ANK1: variants seen among roughly 807,000 people sequenced by gnomAD.
ANK1 encodes the protein ankyrin-1.
ANK1 carries 51 observed loss-of-function variants against 210.4 expected under a neutral mutation model. The observed-to-expected ratio is 0.24, with a 90% CI of 0.19 to 0.31. The LOEUF is 0.31. Among genes scored for constraint, ANK1 ranks in the 10% least tolerant of loss-of-function variants. The probability of loss-of-function intolerance (pLI) is 1.00; values close to 1 mark genes in which losing one functional copy is unlikely to be tolerated. For missense variants in ANK1, 2,051 were observed against 2,504.4 expected (o/e 0.82, Z 3.86); for synonymous variants, 967 against 1,025.9 (o/e 0.94, Z 1.10).
At chr8:41,684,343 C>A in intron 37 of ANK1, 1 of 876,002 alleles carries the variant, frequency 1.1e-6, no homozygotes, top group South Asian at 1.5e-5. Flanking sequence ...CGATGCCCAC[C>A]TGCACAGGAG....
chr8:41,738,945 G>T (rs1357369312), intron 2 of ANK1, among the ~76,000 whole-genome samples: 1 of 152,188 alleles, frequency 6.6e-6, no homozygotes, highest in South Asian at 2.1e-4. Context: ...TAATATAAGA[G>T]TAAATGATTT....
At chr8:41,869,186 G>C (rs371947875) in intron 1 of ANK1, among the ~76,000 whole-genome samples, 1 of 149,604 alleles carries the variant, frequency 6.7e-6, no homozygotes, top group African/African-American at 2.5e-5. Context: ...CTAAAACTGC[G>C]TGGTTGGACC....
intron 1 of ANK1, chr8:41,829,802 G>T (rs1362709238): frequency 6.6e-6 from 1 of 152,046 alleles, no homozygotes; most frequent in African/African-American, 2.4e-5. Context: ...CGGGCGTGGT[G>T]GCGGGCGCCT....
chr8:41,684,621 C>A lies in ANK1; in HGVS notation c.4460G>T (p.Gly1487Val), dbSNP rs1014424312. The change falls in exon 37 of 43, where the codon GGC (glycine) becomes GTC (valine). Residue 1487 changes from glycine to valine, a missense_variant. Coordinates refer to ENST00000289734, the MANE Select transcript of ANK1 (RefSeq NM_000037.4). ...TGGCTTCAAGTTGCGGCTCTGTCGG[C>A]CGGAACCCTCCAGCATGTTCACGAT... Reference protein sequence around the residue: ...GEIVNMLEGSGRQSRNLKPDR... With the variant: ...GEIVNMLEGSVRQSRNLKPDR... 1 of 1,613,850 alleles carries A rather than the reference C, an allele frequency of 6.2e-7. No individual in the cohort carries two copies. The highest frequency in any genetic ancestry group is 2.2e-5 in the East Asian group (1 of 44,888).
At chr8:41,743,267 G>A (rs1221796372) in intron 2 of ANK1, among the ~76,000 whole-genome samples, 2 of 152,168 alleles carry the variant, frequency 1.3e-5, no homozygotes, top group Non-Finnish European at 2.9e-5. Flanking sequence ...AAAGAGCAGG[G>A]AAGAAAGCAA....
chr8:41,887,335 A>C (rs1312235629), intron 1 of ANK1, among the ~76,000 whole-genome samples: 1 of 141,204 alleles, frequency 7.1e-6, no homozygotes, highest in African/African-American at 2.8e-5. Context: ...TGCAGTCTTG[A>C]ACTCCCCTGG....
intron 30 of ANK1, 111 bp from the exon 31 acceptor site, chr8:41,692,987 G>A: frequency 6.6e-7 from 1 of 1,511,954 alleles, no homozygotes; most frequent in Non-Finnish European, 9.2e-7. Flanking sequence ...CCACACCTGT[G>A]GTCACGGAGG....
At chr8:41,832,218 T>C (rs1563867296) in intron 1 of ANK1, among the ~76,000 whole-genome samples, 1 of 152,164 alleles carries the variant, frequency 6.6e-6, no homozygotes, top group Non-Finnish European at 1.5e-5. Context: ...GCCCAGATCC[T>C]GCAAGACATT....
intron 37 of ANK1, among the ~76,000 whole-genome samples, chr8:41,682,816 G>A (rs1373711681): frequency 1.3e-5 from 2 of 152,224 alleles, no homozygotes; most frequent in Non-Finnish European, 2.9e-5. Context: ...CCAAAAGTAT[G>A]CGCTGGGTGT....
rs547547824 is a variant in ANK1 at position 41,660,412 on chromosome 8, C to T, written c.*36+1018G>A. The stretch of plus-strand genomic sequence containing the variant: ...GTGCTGCACTGGGGCCACCATGCCC[C>T]CTCACCTCCTGCTGACTCCCACCCC... On this transcript the variant is annotated intron_variant, in intron 42 of 42. Transcript: ENST00000289734. The T allele has an allele frequency of 1.1e-3, 537 of 469,916 alleles. 4 individuals are homozygous for T. Among genetic ancestry groups the T allele is most frequent in the South Asian group, 4.6e-3 (294 of 64,514 alleles). 29.1% of individuals were successfully genotyped at this position (469,916 alleles called of 1,614,324 possible).
At position 41,665,100 on chromosome 8, in the gene ANK1, C is replaced by A. The variant is rs1201436678; in HGVS notation, c.5395-1358G>T. ...CGGGGGGCCTGCCTCTCATTCTCCA[C>A]TGGGACTCCTGAGTCCCCCAGGGAC... On this transcript the variant is annotated intron_variant, in intron 39 of 42. Transcript: ENST00000289734. 4.4e-6 allele frequency: 7 copies of A among 1,576,356 alleles called. No homozygotes were observed. In the African/African-American group the frequency reaches 6.7e-5, roughly 15 times the overall value.
chr8:41,692,514 G>T (rs1273046985), intron 31 of ANK1, 134 bp downstream of exon 31: 2 of 847,826 alleles, frequency 2.4e-6, no homozygotes, highest in Non-Finnish European at 3.8e-6. Context: ...TCTCAAGAGG[G>T]GTCTCAAAGA....
rs192700245 is a variant in ANK1 at position 41,842,479 on chromosome 8, C to T, written c.126+53876G>A. ...CTGCCCTCCAGCCCAGGCAACAGAGCGAGACTCTATCTCAAAAAAAAAAAA... is the reference window on the plus strand; with the variant it reads ...CTGCCCTCCAGCCCAGGCAACAGAGTGAGACTCTATCTCAAAAAAAAAAAA... On this transcript the variant is annotated intron_variant, in intron 1 of 42. Transcript: ENST00000265709. 4.5e-3 allele frequency among the ~76,000 whole-genome samples: 674 copies of T among 151,188 alleles called. 3 individuals are homozygous for T. The highest frequency in any genetic ancestry group is 0.027 in the East Asian group (141 of 5,140).
At chr8:41,865,541 T>C (rs1814245127) in intron 1 of ANK1, among the ~76,000 whole-genome samples, 1 of 152,142 alleles carries the variant, frequency 6.6e-6, no homozygotes, top group Non-Finnish European at 1.5e-5. Flanking sequence ...CGGGTCCCAC[T>C]GGCTCAGGGC....
chr8:41,850,881 A>G (rs529141783), intron 1 of ANK1, among the ~76,000 whole-genome samples: 1 of 152,382 alleles, frequency 6.6e-6, no homozygotes, highest in East Asian at 1.9e-4. Flanking sequence ...AGCGAAGCCC[A>G]GGTTAGTCTC....
chr8:41,694,780 C>T lies in ANK1; in HGVS notation c.3139G>A (p.Glu1047Lys). ...ATGATTCGGCACACCCTCTTCTTCT[C>T]TAGCTCCTCCAGGCTCCCCAGCTCT... ...DEELGSLEELEKKRVCRIITT... is the reference protein window; with the variant it reads ...DEELGSLEELKKKRVCRIITT... Residue 1047 changes from glutamate (E) to lysine (K), a missense_variant, in exon 28 of 43, where the codon GAG becomes AAG. Glu to Lys is a moderately conservative substitution (Grantham distance 56). Coordinates refer to ENST00000289734, the MANE Select transcript of ANK1 (RefSeq NM_000037.4). This position sits in a 1 kb window ranked among gnomAD's most constrained non-coding sequence, Gnocchi z 5.7. 3 of 1,614,164 alleles carry T rather than the reference C, an allele frequency of 1.9e-6. No homozygotes were observed. Among genetic ancestry groups the T allele is most frequent in the Non-Finnish European group, 1.7e-6 (2 of 1,180,004 alleles).
At chr8:41,683,489 C>A (rs1169867689) in intron 37 of ANK1, among the ~76,000 whole-genome samples, 1 of 152,206 alleles carries the variant, frequency 6.6e-6, no homozygotes, top group African/African-American at 2.4e-5. Context: ...TGTACCCAGT[C>A]ACAGGTGCCC....
chr8:41,781,857 G>T (rs1194692110), intron 1 of ANK1, among the ~76,000 whole-genome samples: 1 of 152,300 alleles, frequency 6.6e-6, no homozygotes, highest in East Asian at 1.9e-4. Context: ...CATCCCAGGG[G>T]CTGGTACTAG....
rs1586116626 is a variant in ANK1, at chr8:41,690,413, G to A, written c.3984+61C>T. ...TAGGCCACCCGGCTGTCTGGTTTAG[G>A]GAATTCTGCCTCCCCAACTTTCTAG... On this transcript the variant is annotated intron_variant, in intron 32 of 42. Coordinates refer to ENST00000289734, the MANE Select transcript of ANK1 (RefSeq NM_000037.4). 8 of 1,614,212 alleles carry A rather than the reference G, an allele frequency of 5.0e-6. No homozygotes were observed. The East Asian group carries it at 1.8e-4, about 36-fold the overall frequency.
Sources: gnomAD v4.1 joint callset for allele counts (sites outside exome capture counted in the v4.1 genomes callset) on GRCh38, gnomAD v4.1.1 for gene constraint, Gnocchi (gnomAD v3.1) non-coding constraint, MANE v1.5 for transcripts, NCBI Gene and HGNC (gene_info 2026-07-23, HGNC 2026-07-21) for gene names.